Variants in GALNT1 observed in about 807,000 individuals in gnomAD.
The protein encoded by GALNT1 is polypeptide N-acetylgalactosaminyltransferase 1, also known as GalNAc transferase 1.
In GALNT1, 17 loss-of-function variants were observed where a neutral mutation model predicts 65.7. The observed-to-expected ratio is 0.26, with a 90% CI of 0.18 to 0.39. GALNT1 has a LOEUF of 0.39. Ranked by LOEUF, GALNT1 falls within the 10% of genes least tolerant of loss-of-function variation. GALNT1 has a pLI of 1.00. For missense variants in GALNT1, 460 were observed against 672.8 expected (o/e 0.68, Z 3.50); for synonymous variants, 210 against 219.7 (o/e 0.96, Z 0.39).
In GALNT1 at chr18:35,709,754, T is replaced by C. The variant is rs1183890361; in HGVS notation, c.1664T>C (p.Leu555Pro). 2.5e-6 allele frequency: 4 copies of C among 1,613,980 alleles called. No individual in the cohort carries two copies. Among genetic ancestry groups the C allele is most frequent in the Non-Finnish European group, 3.4e-6 (4 of 1,180,004 alleles). Residue 555 changes from leucine to proline, a missense_variant, in exon 12 of 12, where the codon CTG becomes CCG. By Grantham distance (98) the Leu-to-Pro change is moderately conservative. Coordinates refer to ENST00000269195, the MANE Select transcript of GALNT1 (RefSeq NM_020474.4). ...SQQWLLRNVT[L>P]PEIF ...CAGTGGCTTCTTCGAAACGTCACCC[T>C]GCCAGAAATATTCTGAGACCAAATT...
chr18:35,618,672 ATTTAC>A (rs942455241), intron 1 of GALNT1, among the ~76,000 whole-genome samples: 4 of 152,096 alleles, frequency 2.6e-5, no homozygotes, highest in Admixed American at 2.0e-4. Context: ...TTTTCCAACA[ATTTAC>A]TTAACTTTCC....
At chr18:35,683,144 A>G (rs568081765) in intron 4 of GALNT1, among the ~76,000 whole-genome samples, 61 of 152,162 alleles carry the variant, frequency 4.0e-4, no homozygotes, top group Non-Finnish European at 7.5e-4. Context: ...GAGCATTCCT[A>G]TCCTTGGTTA....
intron 1 of GALNT1, among the ~76,000 whole-genome samples, chr18:35,633,681 C>G (rs188387677): frequency 6.6e-6 from 1 of 152,058 alleles, no homozygotes; most frequent in East Asian, 1.9e-4. Flanking sequence ...TACCCTCGAA[C>G]CTAAAAGTAT....
chr18:35,704,174 C>T (rs2048214635), intron 11 of GALNT1, among the ~76,000 whole-genome samples: 1 of 152,188 alleles, frequency 6.6e-6, no homozygotes, highest in South Asian at 2.1e-4. Flanking sequence ...AACCTCTTTC[C>T]ACCTATTTGC....
chr18:35,637,243 C>T (rs2047103258), intron 1 of GALNT1, among the ~76,000 whole-genome samples: 1 of 152,186 alleles, frequency 6.6e-6, no homozygotes, highest in Non-Finnish European at 1.5e-5. Flanking sequence ...GTGTCTCTCA[C>T]TTAAAAGCTA....
chr18:35,582,764 A>T (rs2046338000), intron 1 of GALNT1, among the ~76,000 whole-genome samples: 1 of 152,238 alleles, frequency 6.6e-6, no homozygotes, highest in Admixed American at 6.5e-5. Flanking sequence ...AGGCCCTAAG[A>T]AGTTGCAACT....
At chr18:35,681,884 T>C (rs1017358487) in intron 4 of GALNT1, among the ~76,000 whole-genome samples, 1 of 152,140 alleles carries the variant, frequency 6.6e-6, no homozygotes, top group Non-Finnish European at 1.5e-5. Flanking sequence ...CTTAATCAAA[T>C]TCATGTAATA....
intron 4 of GALNT1, among the ~76,000 whole-genome samples, chr18:35,679,499 A>C (rs2047757936): frequency 6.6e-6 from 1 of 152,152 alleles, no homozygotes; most frequent in African/African-American, 2.4e-5. Flanking sequence ...TGCAGCCCTC[A>C]CCCAACACCC....
intron 4 of GALNT1, among the ~76,000 whole-genome samples, chr18:35,681,737 C>G (rs1327008266): frequency 6.6e-6 from 1 of 152,054 alleles, no homozygotes; most frequent in African/African-American, 2.4e-5. Context: ...TGTGCTTGAT[C>G]AGGTGCTTCC....
At chr18:35,678,973 A>G (rs1348086831) in intron 4 of GALNT1, among the ~76,000 whole-genome samples, 1 of 152,144 alleles carries the variant, frequency 6.6e-6, no homozygotes, top group Admixed American at 6.5e-5. Context: ...CTTTTAAAGT[A>G]ATTTATATCT....
chr18:35,707,824 CTTG>C (rs1354056461), intron 11 of GALNT1, among the ~76,000 whole-genome samples: 1 of 152,192 alleles, frequency 6.6e-6, no homozygotes, highest in African/African-American at 2.4e-5. Context: ...GAGAGGTTCT[CTTG>C]TTCTGGTCTT....
intron 1 of GALNT1, among the ~76,000 whole-genome samples, chr18:35,633,872 C>G (rs926585034): frequency 3.3e-5 from 5 of 152,068 alleles, no homozygotes; most frequent in Non-Finnish European, 7.4e-5. Flanking sequence ...AAATAAGGAC[C>G]AGTTTCAGAA....
intron 3 of GALNT1, among the ~76,000 whole-genome samples, chr18:35,668,446 T>C (rs1165039884): frequency 6.6e-6 from 1 of 151,872 alleles, no homozygotes; most frequent in Non-Finnish European, 1.5e-5. Context: ...TGGAAAAAAA[T>C]CAACAAAATC....
chr18:35,636,796 T>G (rs1020819383), intron 1 of GALNT1, among the ~76,000 whole-genome samples: 114 of 149,496 alleles, frequency 7.6e-4, no homozygotes, highest in Admixed American at 1.1e-3. Context: ...TTTTTTTTTT[T>G]TTTTTTTTTT....
At position 35,655,122 on chromosome 18, in the gene GALNT1, A is replaced by G. The variant is rs547719275; in HGVS notation, c.139+321A>G. ...TCAAAATTGTACAGAAGATTAGTCT[A>G]ATGCCAAAATGCTGAGTGGAGCATT... On this transcript the variant is annotated intron_variant, in intron 2 of 11. Transcript: ENST00000269195. Among the ~76,000 whole-genome samples, 92 of 152,272 alleles carry G rather than the reference A, an allele frequency of 6.0e-4. 1 individual carries two copies. The highest frequency in any genetic ancestry group is 1.5e-4 in the Non-Finnish European group (10 of 67,996).
chr18:35,665,973 G>T (rs924948652), intron 3 of GALNT1, among the ~76,000 whole-genome samples: 2 of 152,174 alleles, frequency 1.3e-5, no homozygotes, highest in Admixed American at 1.3e-4. Context: ...AGGTGATGAA[G>T]GGAGAGCCTG....
intron 1 of GALNT1, among the ~76,000 whole-genome samples, chr18:35,585,235 G>C (rs1184300558): frequency 6.6e-6 from 1 of 152,130 alleles, no homozygotes; most frequent in East Asian, 1.9e-4. Context: ...CCCGACACAT[G>C]CCTCTTTCTT....
chr18:35,706,363 A>G (rs1006834318), intron 11 of GALNT1, among the ~76,000 whole-genome samples: 1 of 152,126 alleles, frequency 6.6e-6, no homozygotes, highest in Non-Finnish European at 1.5e-5. Flanking sequence ...CCATACAGGC[A>G]TGGTGGCAGG....
chr18:35,655,960 T>G (rs1048138334), intron 2 of GALNT1, among the ~76,000 whole-genome samples: 1 of 152,226 alleles, frequency 6.6e-6, no homozygotes, highest in African/African-American at 2.4e-5. Flanking sequence ...TCATCCAAAG[T>G]CAGCCTATTA....
Sources: gnomAD v4.1 joint callset for allele counts (sites outside exome capture counted in the v4.1 genomes callset) on GRCh38, gnomAD v4.1.1 for gene constraint, MANE v1.5 for transcripts, NCBI Gene and HGNC (gene_info 2026-07-23, HGNC 2026-07-21) for gene names.